The following RGPD2 variants were observed in gnomAD, a reference collection of about 807,000 sequenced individuals.
RGPD2 encodes RANBP2 like and GRIP domain containing 2.
In RGPD2, 2 loss-of-function variants were observed where a neutral mutation model predicts 36.0. That is an observed-to-expected ratio of 0.06 (90% CI 0.02 to 0.17). The LOEUF (loss-of-function observed/expected upper bound fraction) is 0.17, where lower values mean the gene tolerates loss of function less well. Ranked by LOEUF, RGPD2 falls within the 10% of genes least tolerant of loss-of-function variation. The pLI is 1.00. For missense variants in RGPD2, 40 were observed against 464.3 expected (o/e 0.09, Z 8.40); for synonymous variants, 19 against 163.8 (o/e 0.12, Z 6.75).
chr2:87,985,598 T>C, the RGPD2 span: 1 of 887,176 alleles, frequency 1.1e-6, no homozygotes, highest in Non-Finnish European at 1.8e-6. Context: ...ATAGATACAA[T>C]AAACCTTAAT....
the RGPD2 span, among the ~76,000 whole-genome samples, chr2:87,881,833 C>T: frequency 6.6e-6 from 1 of 152,190 alleles, no homozygotes; most frequent in Non-Finnish European, 1.5e-5. Context: ...TGACACTGGG[C>T]AGTTTATACA....
At chr2:87,820,122 C>G (rs1686349069) in intron 1 of RGPD2, among the ~76,000 whole-genome samples, 1 of 37,854 alleles carries the variant, frequency 2.6e-5, no homozygotes, top group Non-Finnish European at 4.9e-5. Flanking sequence ...AGAATGATTC[C>G]ATCTCAAAAA....
At chr2:87,917,027 A>G in the RGPD2 span, among the ~76,000 whole-genome samples, 1 of 152,094 alleles carries the variant, frequency 6.6e-6, no homozygotes, top group Admixed American at 6.5e-5. Context: ...TTGAGTAGTG[A>G]CTTGACGAAA....
the RGPD2 span, among the ~76,000 whole-genome samples, chr2:87,966,605 G>A: frequency 5.9e-5 from 9 of 152,232 alleles, no homozygotes; most frequent in South Asian, 2.1e-4. Flanking sequence ...GGAGAATTTC[G>A]AGTCCCCAAA....
At chr2:87,852,630 C>T in the RGPD2 span, among the ~76,000 whole-genome samples, 2 of 152,242 alleles carry the variant, frequency 1.3e-5, no homozygotes, top group Non-Finnish European at 2.9e-5. Context: ...GAGATTTTGG[C>T]CTCTATGCTA....
the RGPD2 span, among the ~76,000 whole-genome samples, chr2:87,853,397 A>C: frequency 2.0e-5 from 3 of 151,936 alleles, no homozygotes; most frequent in Non-Finnish European, 4.4e-5. Context: ...AATTTTTTTT[A>C]AATTTTTGTA....
At chr2:87,790,845 AG>A (rs1685685661) in intron 17 of RGPD2, among the ~76,000 whole-genome samples, 1 of 143,620 alleles carries the variant, frequency 7.0e-6, no homozygotes, top group African/African-American at 2.5e-5. Context: ...TAAACATGAA[AG>A]AACCTACTTT....
chr2:87,919,841 G>A, the RGPD2 span, among the ~76,000 whole-genome samples: 1 of 151,062 alleles, frequency 6.6e-6, no homozygotes, highest in East Asian at 1.9e-4. Flanking sequence ...TTTGAAAATT[G>A]TGGAATTGAA....
chr2:87,986,775 G>A, the RGPD2 span, among the ~76,000 whole-genome samples: 1 of 151,166 alleles, frequency 6.6e-6, no homozygotes, highest in African/African-American at 2.4e-5. Flanking sequence ...AGCTACTCAG[G>A]AGGCTGAGGC....
At chr2:87,985,700 A>G in the RGPD2 span, 1 of 1,528,052 alleles carries the variant, frequency 6.5e-7, no homozygotes, top group Non-Finnish European at 9.0e-7. Context: ...AGAATAACTC[A>G]TAAAGAAAAC....
At chr2:87,806,091 A>T (rs1417641915) in intron 7 of RGPD2, among the ~76,000 whole-genome samples, 1 of 150,852 alleles carries the variant, frequency 6.6e-6, no homozygotes, top group African/African-American at 2.4e-5. Context: ...TGAACCCAGG[A>T]GGTGGAGGCT....
the RGPD2 span, among the ~76,000 whole-genome samples, chr2:87,831,400 A>C: frequency 6.6e-6 from 1 of 152,216 alleles, no homozygotes. Context: ...GTAATATTTG[A>C]ATATGTAATA....
chr2:87,962,048 A>G, the RGPD2 span, among the ~76,000 whole-genome samples: 1 of 150,196 alleles, frequency 6.7e-6, no homozygotes, highest in Non-Finnish European at 1.5e-5. Context: ...AAAAAAAAGG[A>G]AAAGGAATAG....
the RGPD2 span, among the ~76,000 whole-genome samples, chr2:87,921,561 G>A: frequency 6.6e-6 from 1 of 152,244 alleles, no homozygotes; most frequent in South Asian, 2.1e-4. Flanking sequence ...AATATCACAT[G>A]GCAAAAGACA....
chr2:87,936,927 A>G, the RGPD2 span, among the ~76,000 whole-genome samples: 1 of 144,482 alleles, frequency 6.9e-6, no homozygotes, highest in East Asian at 2.0e-4. Flanking sequence ...GCTTTATGAG[A>G]GCAGCTATAA....
At chr2:87,961,716 C>T in the RGPD2 span, among the ~76,000 whole-genome samples, 4 of 126,862 alleles carry the variant, frequency 3.2e-5, no homozygotes, top group Non-Finnish European at 6.6e-5. Flanking sequence ...AAAAAAAAAG[C>T]GCATTCTCAA....
the RGPD2 span, among the ~76,000 whole-genome samples, chr2:87,843,065 A>G: frequency 2.6e-5 from 4 of 152,012 alleles, no homozygotes; most frequent in East Asian, 7.7e-4. Context: ...TTAATTCAAG[A>G]TGGATTAAAG....
chr2:87,866,222 GT>G, the RGPD2 span, among the ~76,000 whole-genome samples: 23 of 148,708 alleles, frequency 1.5e-4, no homozygotes, highest in East Asian at 4.2e-3. Context: ...TGGAAAATTT[GT>G]TTTTTTTGTG....
At chr2:87,863,853 A>T in the RGPD2 span, among the ~76,000 whole-genome samples, 16 of 152,190 alleles carry the variant, frequency 1.1e-4, no homozygotes, top group African/African-American at 3.4e-4. Context: ...TATTTAAGTT[A>T]CGGGATGTCA....
Sources: allele counts gnomAD v4.1 joint callset (sites outside exome capture counted in the v4.1 genomes callset), GRCh38; gene constraint gnomAD v4.1.1; transcripts MANE v1.5; gene names NCBI Gene and HGNC (gene_info 2026-07-23, HGNC 2026-07-21).